PDE4B: variants seen among roughly 807,000 people sequenced by gnomAD.
PDE4B encodes 3',5'-cyclic-AMP phosphodiesterase 4B.
A neutral mutation model predicts 82.2 loss-of-function variants in PDE4B; 20 were observed. The ratio of observed to expected loss-of-function variants is 0.24; its 90% CI spans 0.17 to 0.35. The LOEUF (loss-of-function observed/expected upper bound fraction) is 0.35, where lower values mean the gene tolerates loss of function less well. PDE4B is among the 10% of genes least tolerant of loss of function. The probability of loss-of-function intolerance (pLI) is 1.00; values close to 1 mark genes in which losing one functional copy is unlikely to be tolerated. For synonymous variants in PDE4B, 320 were observed against 318.9 expected (o/e 1.00, Z -0.04); for missense variants, 655 against 907.2 (o/e 0.72, Z 3.57).
rs1160203374 is a variant in PDE4B at position 66,332,445 on chromosome 1, ACT to A, written c.635-60_635-59del. 3.7e-6 allele frequency: 6 copies of A among 1,613,940 alleles called. No individual in the cohort carries two copies. In the South Asian group the frequency reaches 5.5e-5, roughly 15 times the overall value. ...ACCGGAATCAGCGGTGGTAGCGGTG[ACT>A]CTGCTATGGACAGCCTGCAGCCGCT... is the stretch of plus-strand genomic sequence containing the variant. On this transcript the variant is annotated intron_variant, in intron 7 of 16. Transcript: ENST00000341517.
At chr1:65,815,976 GA>G (rs1557761087) in intron 1 of PDE4B, among the ~76,000 whole-genome samples, 1 of 151,942 alleles carries the variant, frequency 6.6e-6, no homozygotes, top group African/African-American at 2.4e-5. Context: ...TAATTGGTGA[GA>G]AAAAAATAAC....
chr1:65,807,039 A>C (rs1645762553), intron 1 of PDE4B, among the ~76,000 whole-genome samples: 1 of 152,238 alleles, frequency 6.6e-6, no homozygotes, highest in Non-Finnish European at 1.5e-5. Context: ...GGTAAAGAGA[A>C]ACTTGAATTT....
chr1:65,839,992 T>C (rs1056381257), intron 1 of PDE4B, among the ~76,000 whole-genome samples: 2 of 152,186 alleles, frequency 1.3e-5, no homozygotes, highest in Admixed American at 6.5e-5. Flanking sequence ...TATCTCATTG[T>C]GGTTTTGATT....
At chr1:66,299,788 A>T (rs1657757781) in intron 7 of PDE4B, among the ~76,000 whole-genome samples, 1 of 152,146 alleles carries the variant, frequency 6.6e-6, no homozygotes, top group Admixed American at 6.5e-5. Context: ...TTGTGACATT[A>T]GCTGTGTGTT....
chr1:66,047,561 A>T (rs568424519), intron 3 of PDE4B, among the ~76,000 whole-genome samples: 1 of 152,022 alleles, frequency 6.6e-6, no homozygotes, highest in East Asian at 1.9e-4. Context: ...GGATGTTCTG[A>T]GATAATTTGT....
chr1:65,813,893 CAAAAAAAA>C (rs5774766), intron 1 of PDE4B, among the ~76,000 whole-genome samples: 17 of 103,434 alleles, frequency 1.6e-4, no homozygotes, highest in Non-Finnish European at 1.2e-4. Flanking sequence ...GGCACTGCGG[CAAAAAAAA>C]AAAAAAAAAA....
At chr1:66,014,266 C>T (rs555090704) in intron 3 of PDE4B, among the ~76,000 whole-genome samples, 23 of 152,196 alleles carry the variant, frequency 1.5e-4, no homozygotes, top group African/African-American at 5.5e-4. Context: ...CTCTTGTGTT[C>T]TCTGATGCAC....
At chr1:65,911,284 GA>G (rs1647087540) in intron 1 of PDE4B, among the ~76,000 whole-genome samples, 1 of 151,896 alleles carries the variant, frequency 6.6e-6, no homozygotes, top group African/African-American at 2.4e-5. Flanking sequence ...TTATATTTTT[GA>G]ACATCATATT....
At chr1:66,012,077 A>G (rs1461287615) in intron 3 of PDE4B, among the ~76,000 whole-genome samples, 6 of 152,144 alleles carry the variant, frequency 3.9e-5, no homozygotes, top group Admixed American at 3.9e-4. Context: ...AACTTTTTAC[A>G]CAGGTCCAAG....
Position 66,024,604 on chromosome 1 carries a change from T to G in PDE4B, c.281+105769T>G, listed in dbSNP as rs532505463. On this transcript the variant is annotated intron_variant, in intron 3 of 16. Coordinates refer to ENST00000341517, the MANE Select transcript of PDE4B (RefSeq NM_002600.4). ...CAAAATGTACAGGTCATATAATATATGCAAGGAATTTTCTGAGCCCTACAA... is the reference window on the plus strand; with the variant it reads ...CAAAATGTACAGGTCATATAATATAGGCAAGGAATTTTCTGAGCCCTACAA... 3.3e-5 allele frequency among the ~76,000 whole-genome samples: 5 copies of G among 152,280 alleles called. No individual in the cohort carries two copies. The South Asian group carries it at 1.0e-3, about 32-fold the overall frequency.
chr1:66,372,297 T>A lies in PDE4B; in HGVS notation c.1846-16T>A, dbSNP rs1210026827. ...CACCATCACAATAACAGATGTGTCA[T>A]CTTATTTTTCTCCAGGTTGGTTTCA... On this transcript the variant is annotated splice_polypyrimidine_tract_variant and intron_variant, in intron 16 of 16. Coordinates refer to ENST00000341517, the MANE Select transcript of PDE4B (RefSeq NM_002600.4). 1.9e-6 allele frequency: 3 copies of A among 1,587,780 alleles called. No homozygotes were observed. In the African/African-American group the frequency reaches 4.0e-5, roughly 21 times the overall value.
chr1:66,109,071 C>T (rs1645429732), intron 3 of PDE4B, among the ~76,000 whole-genome samples: 1 of 151,874 alleles, frequency 6.6e-6, no homozygotes, highest in Non-Finnish European at 1.5e-5. Flanking sequence ...ATTTGAATAT[C>T]CCTTGCTAAT....
intron 3 of PDE4B, among the ~76,000 whole-genome samples, chr1:66,001,991 G>A (rs1169933337): frequency 2.0e-5 from 3 of 152,118 alleles, no homozygotes; most frequent in Non-Finnish European, 2.9e-5. Context: ...CCAAAATGCT[G>A]TGATTACAGG....
At position 65,875,867 on chromosome 1, in the gene PDE4B, G is replaced by A. The variant is rs182211233; in HGVS notation, c.-70-37378G>A. ...CCTAATGTTGGATGACGAGTTATTG[G>A]GTGCAGCGCACCAGCATGGTACATG... On this transcript the variant is annotated intron_variant, in intron 1 of 16. Coordinates refer to ENST00000341517, the MANE Select transcript of PDE4B (RefSeq NM_002600.4). Among the ~76,000 whole-genome samples, 148 of 151,488 alleles carry A rather than the reference G, an allele frequency of 9.8e-4. 2 individuals are homozygous for A. The highest frequency in any genetic ancestry group is 9.7e-4 in the East Asian group (5 of 5,158).
intron 7 of PDE4B, among the ~76,000 whole-genome samples, chr1:66,274,241 A>G (rs1360189323): frequency 2.0e-5 from 3 of 151,830 alleles, no homozygotes; most frequent in Non-Finnish European, 4.4e-5. Flanking sequence ...GCTCACTGCA[A>G]CCTCTGCCTG....
At chr1:65,910,583 TG>T (rs1647078686) in intron 1 of PDE4B, among the ~76,000 whole-genome samples, 3 of 152,106 alleles carry the variant, frequency 2.0e-5, no homozygotes, top group Middle Eastern at 3.2e-3. Context: ...ACAAAGGGTA[TG>T]GGCAGGGTTG....
chr1:66,004,320 G>GT (rs200953967), intron 3 of PDE4B, among the ~76,000 whole-genome samples: 1,533 of 152,194 alleles, frequency 0.01, 21 homozygotes, highest in African/African-American at 0.035. Context: ...AATTAAATCA[G>GT]TTTCATTGAG....
chr1:65,835,799 A>G (rs949398463), intron 1 of PDE4B, among the ~76,000 whole-genome samples: 6 of 152,204 alleles, frequency 3.9e-5, no homozygotes, highest in Non-Finnish European at 8.8e-5. Context: ...ATTAAATATC[A>G]GAGGATTTCT....
At chr1:66,371,759 C>T (rs904342847) in intron 16 of PDE4B, among the ~76,000 whole-genome samples, 1 of 152,164 alleles carries the variant, frequency 6.6e-6, no homozygotes, top group African/African-American at 2.4e-5. Flanking sequence ...GCCAGCTCCT[C>T]ATCACTTTGG....
Sources: allele counts gnomAD v4.1 joint callset (sites outside exome capture counted in the v4.1 genomes callset), GRCh38; gene constraint gnomAD v4.1.1; transcripts MANE v1.5; gene names NCBI Gene and HGNC (gene_info 2026-07-23, HGNC 2026-07-21).